MAF: variants seen among roughly 807,000 people sequenced by gnomAD.
MAF encodes the protein transcription factor Maf.
Under a neutral mutation model 22.0 loss-of-function variants are expected in MAF, and 10 were observed. That is an observed-to-expected ratio of 0.45 (90% CI 0.28 to 0.77). The LOEUF is 0.77. Among genes scored for constraint, MAF ranks in the 30% least tolerant of loss-of-function variants. The pLI is 0.12. For synonymous variants in MAF, 337 were observed against 255.8 expected, an observed-to-expected ratio of 1.32 and a Z score of -3.03; for missense variants, 544 against 548.4, an observed-to-expected ratio of 0.99 and a Z score of 0.08.
chr16:79,281,535 C>A, the MAF span, among the ~76,000 whole-genome samples: 1 of 148,442 alleles, frequency 6.7e-6, no homozygotes, highest in South Asian at 2.2e-4. Flanking sequence ...AGAAAGCTCA[C>A]TCTTTGAAGA....
At chr16:79,212,381 A>C in the MAF span, 8 of 494,128 alleles carry the variant, frequency 1.6e-5, no homozygotes, top group Non-Finnish European at 2.5e-5. Context: ...ACGCAGAACT[A>C]CCAGGTGGCA....
chr16:79,418,587 G>A, the MAF span, among the ~76,000 whole-genome samples: 3 of 152,172 alleles, frequency 2.0e-5, no homozygotes, highest in South Asian at 6.2e-4. Context: ...GGGGAAGGGC[G>A]GGAGGCGTGC....
the MAF span, among the ~76,000 whole-genome samples, chr16:79,343,245 C>G: frequency 5.3e-5 from 8 of 152,052 alleles, no homozygotes; most frequent in South Asian, 1.5e-3. Context: ...CCAACCCCCC[C>G]CCAAAAAAAT....
the MAF span, among the ~76,000 whole-genome samples, chr16:79,329,995 G>A: frequency 2.0e-5 from 3 of 151,852 alleles, no homozygotes; most frequent in East Asian, 3.9e-4. Flanking sequence ...TAGGAAATGA[G>A]CAACTAATCA....
intron 1 of MAF, chr16:79,596,826 G>A: frequency 9.5e-7 from 1 of 1,048,754 alleles, no homozygotes; most frequent in Non-Finnish European, 1.2e-6. Context: ...TCTTAAAACT[G>A]TGCAGTAATG....
At chr16:79,461,686 G>A in the MAF span, among the ~76,000 whole-genome samples, 1 of 152,132 alleles carries the variant, frequency 6.6e-6, no homozygotes, top group African/African-American at 2.4e-5. Context: ...TTGGAGAAAT[G>A]GGAGAGGGCG....
At chr16:79,414,230 C>A in the MAF span, among the ~76,000 whole-genome samples, 1 of 152,102 alleles carries the variant, frequency 6.6e-6, no homozygotes, top group Non-Finnish European at 1.5e-5. Flanking sequence ...TGAGGATGGG[C>A]AATTCACAAA....
the MAF span, among the ~76,000 whole-genome samples, chr16:79,578,192 T>C: frequency 6.6e-6 from 1 of 152,228 alleles, no homozygotes; most frequent in Non-Finnish European, 1.5e-5. Flanking sequence ...TGGCTAAACA[T>C]GTTATTGTAT....
chr16:79,323,263 G>T, the MAF span, among the ~76,000 whole-genome samples: 4 of 151,096 alleles, frequency 2.6e-5, no homozygotes, highest in African/African-American at 9.8e-5. Context: ...TGGAAGGGGG[G>T]ATGACATGGA....
chr16:79,386,321 G>A, the MAF span, among the ~76,000 whole-genome samples: 1 of 152,210 alleles, frequency 6.6e-6, no homozygotes, highest in Non-Finnish European at 1.5e-5. Context: ...ATCTGGGGGT[G>A]ATGGGAGACA....
At chr16:79,220,761 T>A in the MAF span, among the ~76,000 whole-genome samples, 21 of 152,232 alleles carry the variant, frequency 1.4e-4, no homozygotes, top group Non-Finnish European at 1.6e-4. Context: ...GGCAAGATAC[T>A]TTTTCTGTGC....
the MAF span, among the ~76,000 whole-genome samples, chr16:79,362,876 TA>T: frequency 1.3e-5 from 2 of 152,238 alleles, no homozygotes; most frequent in African/African-American, 4.8e-5. Flanking sequence ...TTATATCTTT[TA>T]AGTTAAAGCA....
the MAF span, among the ~76,000 whole-genome samples, chr16:79,238,153 G>C: frequency 6.6e-6 from 1 of 152,056 alleles, no homozygotes; most frequent in African/African-American, 2.4e-5. Context: ...CCTTCTTGAA[G>C]ACAACTACAG....
At chr16:79,418,635 T>C in the MAF span, among the ~76,000 whole-genome samples, 1 of 152,206 alleles carries the variant, frequency 6.6e-6, no homozygotes, top group Non-Finnish European at 1.5e-5. Context: ...GAAGTTTTTC[T>C]TATGCAACAG....
chr16:79,207,489 C>G, the MAF span, among the ~76,000 whole-genome samples: 2 of 152,200 alleles, frequency 1.3e-5, no homozygotes, highest in Non-Finnish European at 1.5e-5. Context: ...TTTCATAACT[C>G]TACTTTTTGC....
the MAF span, among the ~76,000 whole-genome samples, chr16:79,221,689 A>C: frequency 1.8e-3 from 276 of 152,158 alleles, 1 homozygote; most frequent in Non-Finnish European, 3.6e-3. Flanking sequence ...GTGTGTGTAC[A>C]TGTGCATGAG....
chr16:79,582,627 G>C (rs1189848802), downstream of MAF, among the ~76,000 whole-genome samples: 2 of 152,104 alleles, frequency 1.3e-5, no homozygotes, highest in Non-Finnish European at 2.9e-5. Flanking sequence ...TGGTAGTTAG[G>C]GAGGAGTATA....
At chr16:79,442,752 G>C in the MAF span, among the ~76,000 whole-genome samples, 1 of 152,232 alleles carries the variant, frequency 6.6e-6, no homozygotes, top group Non-Finnish European at 1.5e-5. Context: ...CCAGTAGCCA[G>C]TGTGGCTGAA....
At chr16:79,286,868 C>G in the MAF span, among the ~76,000 whole-genome samples, 1 of 152,186 alleles carries the variant, frequency 6.6e-6, no homozygotes, top group Admixed American at 6.5e-5. Context: ...ACTCAACATG[C>G]CTCTTCCCCG....
Sources: allele counts gnomAD v4.1 joint callset (sites outside exome capture counted in the v4.1 genomes callset), GRCh38; gene constraint gnomAD v4.1.1; transcripts MANE v1.5; gene names NCBI Gene and HGNC (gene_info 2026-07-23, HGNC 2026-07-21).